Variants in IMPA2 observed in about 807,000 individuals in gnomAD.
IMPA2 encodes inositol monophosphatase 2, also known as IMP 2.
Under a neutral mutation model 35.1 loss-of-function variants are expected in IMPA2, and 32 were observed. The observed-to-expected ratio is 0.91, with a 90% CI of 0.69 to 1.23. IMPA2 has a LOEUF of 1.23. Ranked by LOEUF, IMPA2 falls within the 50% of genes most tolerant of loss-of-function variation. The pLI, the probability that IMPA2 is intolerant of heterozygous loss-of-function variation, is 0.00. For missense variants in IMPA2, 334 were observed against 387.6 expected, an observed-to-expected ratio of 0.86 and a Z score of 1.16; for synonymous variants, 135 against 160.6, an observed-to-expected ratio of 0.84 and a Z score of 1.20.
chr18:12,002,920 C>T (rs1373909722), intron 2 of IMPA2, among the ~76,000 whole-genome samples: 4 of 151,622 alleles, frequency 2.6e-5, no homozygotes, highest in Admixed American at 2.0e-4. Flanking sequence ...AGGCTGGGCG[C>T]GGTGGTTTAC....
At chr18:12,022,528 A>ATATATATATAT (rs1907757284) in intron 5 of IMPA2, among the ~76,000 whole-genome samples, 1 of 96,822 alleles carries the variant, frequency 1.0e-5, no homozygotes, top group Non-Finnish European at 2.0e-5. Context: ...TCTCAAAAAG[A>ATATATATATAT]ATATATATAT....
chr18:12,018,641 C>T (rs760914886), intron 5 of IMPA2, among the ~76,000 whole-genome samples: 1 of 152,014 alleles, frequency 6.6e-6, no homozygotes, highest in African/African-American at 2.4e-5. Flanking sequence ...TACATTTTAA[C>T]GTGAATAATA....
At chr18:11,990,758 G>A (rs1193639038) in intron 1 of IMPA2, among the ~76,000 whole-genome samples, 10 of 152,232 alleles carry the variant, frequency 6.6e-5, no homozygotes, top group East Asian at 3.9e-4. Context: ...CAATTGTGAC[G>A]GCTCCAGCCG....
rs1304093703 is a variant in IMPA2 at position 12,014,331 on chromosome 18, G to A, written c.448G>A (p.Ala150Thr). 13 of 1,608,734 alleles carry A rather than the reference G, an allele frequency of 8.1e-6. No homozygotes were observed. Among genetic ancestry groups the A allele is most frequent in the Middle Eastern group, 1.7e-4 (1 of 6,044 alleles). The change falls in exon 5 of 8, where the codon GCC becomes ACC. Residue 150 changes from alanine (A) to threonine (T), a missense_variant. Coordinates refer to ENST00000269159, the MANE Select transcript of IMPA2 (RefSeq NM_014214.3). Reference protein sequence around the residue: ...RLYTGRRGRGAFCNGQRLRVS... With the variant: ...RLYTGRRGRGTFCNGQRLRVS... ...GTACACGGGCCGGCGGGGTCGGGGC[G>A]CCTTCTGCAATGGCCAGCGGCTCCG...
At position 11,981,685 on chromosome 18, in the gene IMPA2, G is replaced by C. The variant is rs1034198562; in HGVS notation, c.16G>C (p.Glu6Gln). 1 of 1,230,674 alleles carries C rather than the reference G, an allele frequency of 8.1e-7. No homozygotes were observed. Among genetic ancestry groups the C allele is most frequent in the Non-Finnish European group, 1.0e-6 (1 of 986,996 alleles). 76.2% of individuals were successfully genotyped at this position (1,230,674 alleles called of 1,614,324 possible). A position where few individuals can be genotyped will look rare whatever the true frequency, so the allele number is the denominator to read the frequency against. Residue 6 changes from glutamate (E) to glutamine (Q), a missense_variant, in exon 1 of 8, where the codon GAG (glutamate) becomes CAG (glutamine). By Grantham distance (29) the Glu-to-Gln change is conservative. Coordinates refer to ENST00000269159, the MANE Select transcript of IMPA2 (RefSeq NM_014214.3). Reference protein sequence around the residue: MKPSGEDQAALAAGPW... With the variant: MKPSGQDQAALAAGPW... Reference sequence around the variant, plus strand: ...CGAGGCCGCGATGAAGCCGAGCGGCGAGGACCAGGCGGCGCTGGCGGCCGG... The same window carrying C: ...CGAGGCCGCGATGAAGCCGAGCGGCCAGGACCAGGCGGCGCTGGCGGCCGG...
rs1476523198 is a variant in IMPA2 at position 12,009,978 on chromosome 18, T to C, written c.326T>C (p.Phe109Ser). Residue 109 changes from phenylalanine to serine, a missense_variant, in exon 3 of 8, where the codon TTT (phenylalanine) becomes TCT (serine). Coordinates refer to ENST00000269159, the MANE Select transcript of IMPA2 (RefSeq NM_014214.3). ...GACCCCATCGACGGCACCTGCAATT[T>C]TGTGCACAGGTGAGCTGAGCAGGGA... ...IIDPIDGTCN[F>S]VHRFPTVAVS... 1 of 1,613,290 alleles carries C rather than the reference T, an allele frequency of 6.2e-7. No homozygotes were observed. The highest frequency in any genetic ancestry group is 8.5e-7 in the Non-Finnish European group (1 of 1,179,482).
intron 2 of IMPA2, among the ~76,000 whole-genome samples, chr18:12,001,057 C>A (rs931113034): frequency 1.3e-5 from 2 of 151,616 alleles, no homozygotes; most frequent in Non-Finnish European, 2.9e-5. Context: ...GGTGAAACCT[C>A]GTCCCTACTA....
intron 6 of IMPA2, 31 bp from the exon 7 acceptor site, chr18:12,028,811 C>T: frequency 6.2e-7 from 1 of 1,608,890 alleles, no homozygotes; most frequent in Non-Finnish European, 8.5e-7. Flanking sequence ...TCCACTCCCG[C>T]CTGCATCTGT....
intron 3 of IMPA2, among the ~76,000 whole-genome samples, chr18:12,011,836 G>A (rs1049522254): frequency 6.6e-6 from 1 of 152,212 alleles, no homozygotes; most frequent in African/African-American, 2.4e-5. Context: ...TGGCCTTTGG[G>A]GAGGGCTCTG....
rs187795018 is a variant in IMPA2 at position 12,004,333 on chromosome 18, G to A, written c.230+5146G>A. Among the ~76,000 whole-genome samples the A allele has an allele frequency of 1.6e-3, 243 of 152,294 alleles. 3 individuals are homozygous for A. Among genetic ancestry groups the A allele is most frequent in the Middle Eastern group, 3.4e-3 (1 of 294 alleles). ...GGCACTCAGCTGTCAAAATTATAAGGAGGGTTTGTTAAAACTATTTTTTAA... is the reference window on the plus strand; with the variant it reads ...GGCACTCAGCTGTCAAAATTATAAGAAGGGTTTGTTAAAACTATTTTTTAA... On this transcript the variant is annotated intron_variant, in intron 2 of 7. Coordinates refer to ENST00000269159, the MANE Select transcript of IMPA2 (RefSeq NM_014214.3).
intron 1 of IMPA2, among the ~76,000 whole-genome samples, chr18:11,998,781 A>G (rs1337387953): frequency 6.6e-6 from 1 of 152,128 alleles, no homozygotes; most frequent in Non-Finnish European, 1.5e-5. Context: ...ATTTCAAGTA[A>G]TGGAGAAATA....
intron 2 of IMPA2, among the ~76,000 whole-genome samples, chr18:12,008,030 C>T (rs1907326009): frequency 6.6e-6 from 1 of 151,834 alleles, no homozygotes; most frequent in African/African-American, 2.4e-5. Flanking sequence ...GGTGTGATCT[C>T]AGCTCACTGC....
intron 2 of IMPA2, among the ~76,000 whole-genome samples, chr18:12,002,261 T>G (rs1907134179): frequency 6.6e-6 from 1 of 152,216 alleles, no homozygotes; most frequent in Non-Finnish European, 1.5e-5. Flanking sequence ...AAGTTGCCTC[T>G]CATCCTCCTT....
At chr18:12,007,628 C>CTTTCTTTCT (rs374480021) in intron 2 of IMPA2, among the ~76,000 whole-genome samples, 42 of 116,766 alleles carry the variant, frequency 3.6e-4, no homozygotes, top group African/African-American at 9.5e-4. Flanking sequence ...CTTTTTCTTT[C>CTTTCTTTCT]TTCTTTCTTT....
intron 5 of IMPA2, among the ~76,000 whole-genome samples, chr18:12,015,231 C>G (rs1052607080): frequency 3.3e-5 from 5 of 152,106 alleles, no homozygotes; most frequent in South Asian, 2.1e-4. Context: ...TCATGCAGGG[C>G]CCCCCATCTC....
intron 2 of IMPA2, among the ~76,000 whole-genome samples, chr18:12,002,056 A>T (rs1004443295): frequency 2.0e-5 from 3 of 152,354 alleles, no homozygotes; most frequent in East Asian, 3.9e-4. Context: ...TATTTATGTG[A>T]AGTGAGTTTT....
chr18:11,995,591 C>T (rs963785523), intron 1 of IMPA2, among the ~76,000 whole-genome samples: 2 of 152,148 alleles, frequency 1.3e-5, no homozygotes, highest in African/African-American at 2.4e-5. Flanking sequence ...TGACAGGGCG[C>T]CACCAAGTGC....
At chr18:12,003,204 A>C (rs901594031) in intron 2 of IMPA2, among the ~76,000 whole-genome samples, 2 of 151,966 alleles carry the variant, frequency 1.3e-5, no homozygotes, top group Admixed American at 6.6e-5. Flanking sequence ...TCAAAAAATA[A>C]AAAATAAATA....
At chr18:12,020,172 C>CTTTA (rs538492835) in intron 5 of IMPA2, among the ~76,000 whole-genome samples, 3,891 of 150,162 alleles carry the variant, frequency 0.026, 136 homozygotes, top group African/African-American at 0.079. Context: ...CACACTCGGC[C>CTTTA]TTTATTTATT....
Sources: gnomAD v4.1 joint callset for allele counts (sites outside exome capture counted in the v4.1 genomes callset) on GRCh38, gnomAD v4.1.1 for gene constraint, MANE v1.5 for transcripts, NCBI Gene and HGNC (gene_info 2026-07-23, HGNC 2026-07-21) for gene names.